GRID2: variants seen among roughly 807,000 people sequenced by gnomAD.
GRID2 encodes the protein glutamate ionotropic receptor delta type subunit 2.
Under a neutral mutation model 114.8 loss-of-function variants are expected in GRID2, and 33 were observed. The observed-to-expected ratio is 0.29, with a 90% CI of 0.22 to 0.38. GRID2 has a LOEUF of 0.38. GRID2 is among the 10% of genes least tolerant of loss of function. The pLI is 1.00. For synonymous variants in GRID2, 505 were observed against 449.9 expected (o/e 1.12, Z -1.55); for missense variants, 1,184 against 1,257.7 (o/e 0.94, Z 0.89).
intron 11 of GRID2, among the ~76,000 whole-genome samples, chr4:93,484,947 G>A (rs760253871): frequency 6.6e-6 from 1 of 151,786 alleles, no homozygotes; most frequent in Non-Finnish European, 1.5e-5. Flanking sequence ...TGTACCTAAT[G>A]GGGGAAATTT....
intron 2 of GRID2, among the ~76,000 whole-genome samples, chr4:92,967,922 C>T (rs1426883937): frequency 6.6e-6 from 1 of 151,840 alleles, no homozygotes; most frequent in Admixed American, 6.6e-5. Flanking sequence ...CAGGATGTAT[C>T]TCTATTAGCA....
chr4:92,456,825 A>G (rs538335491), intron 1 of GRID2, among the ~76,000 whole-genome samples: 3 of 152,290 alleles, frequency 2.0e-5, no homozygotes, highest in African/African-American at 7.2e-5. Context: ...TGTTATGATA[A>G]CAACTACTAG....
chr4:93,466,228 C>A (rs548198812), intron 11 of GRID2, among the ~76,000 whole-genome samples: 8 of 152,134 alleles, frequency 5.3e-5, no homozygotes, highest in Non-Finnish European at 1.0e-4. Context: ...GGGCTTTTTC[C>A]AGCTAAAATG....
intron 2 of GRID2, among the ~76,000 whole-genome samples, chr4:92,924,851 G>A (rs1199045015): frequency 6.6e-6 from 1 of 152,068 alleles, no homozygotes; most frequent in African/African-American, 2.4e-5. Flanking sequence ...TCAGCAATAA[G>A]ATCCTTTGTT....
chr4:92,536,282 T>G (rs554307807), intron 1 of GRID2, among the ~76,000 whole-genome samples: 1 of 152,206 alleles, frequency 6.6e-6, no homozygotes, highest in South Asian at 2.1e-4. Context: ...CCCGATTAGC[T>G]AGACACAGAG....
chr4:93,708,688 G>T (rs1728216727), intron 14 of GRID2, among the ~76,000 whole-genome samples: 1 of 151,832 alleles, frequency 6.6e-6, no homozygotes, highest in South Asian at 2.1e-4. Context: ...GACAAGTAAG[G>T]ACTTACTACT....
intron 10 of GRID2, among the ~76,000 whole-genome samples, chr4:93,443,447 G>A (rs1457378619): frequency 6.6e-6 from 1 of 151,910 alleles, no homozygotes; most frequent in African/African-American, 2.4e-5. Context: ...AATAAATACT[G>A]GGGAAGTAAT....
rs967363480 is a variant in GRID2 at position 93,396,092 on chromosome 4, T to C, written c.1347+384T>C. On this transcript the variant is annotated intron_variant, in intron 9 of 15. Coordinates refer to ENST00000282020, the MANE Select transcript of GRID2 (RefSeq NM_001510.4). ...ACATAACCCTGACCATGCCAAACAA[T>C]GGTAGATTTGGTAAAATGTACATTC... is the stretch of plus-strand genomic sequence containing the variant. Among the ~76,000 whole-genome samples the C allele has an allele frequency of 2.6e-4, 39 of 151,938 alleles. 1 individual carries two copies. The highest frequency in any genetic ancestry group is 2.9e-5 in the Non-Finnish European group (2 of 67,914).
chr4:92,885,033 AG>A, intron 2 of GRID2: 1 of 276,572 alleles, frequency 3.6e-6, no homozygotes, highest in South Asian at 4.0e-5. Flanking sequence ...GCTGAAAAAC[AG>A]GAACAGATTC....
intron 2 of GRID2, among the ~76,000 whole-genome samples, chr4:92,892,030 G>T (rs1746822482): frequency 6.6e-6 from 1 of 151,630 alleles, no homozygotes; most frequent in African/African-American, 2.4e-5. Context: ...AATTATATTT[G>T]ATTATGAAAA....
intron 14 of GRID2, among the ~76,000 whole-genome samples, chr4:93,694,848 C>T (rs1256065679): frequency 6.6e-6 from 1 of 152,130 alleles, no homozygotes; most frequent in Admixed American, 6.6e-5. Flanking sequence ...CCCCGAAGAT[C>T]TTAAACTCCA....
chr4:92,705,582 G>T (rs186431743), intron 2 of GRID2, among the ~76,000 whole-genome samples: 2 of 152,108 alleles, frequency 1.3e-5, no homozygotes, highest in African/African-American at 4.8e-5. Flanking sequence ...AAAGAAAACC[G>T]GACTGGACTA....
chr4:93,602,845 C>T (rs1202338453), intron 13 of GRID2, among the ~76,000 whole-genome samples: 1 of 152,152 alleles, frequency 6.6e-6, no homozygotes, highest in Non-Finnish European at 1.5e-5. Flanking sequence ...GATGATTAGC[C>T]AAGTTAAATG....
At position 93,434,031 on chromosome 4, in the gene GRID2, C is replaced by G. The variant is rs370324224; in HGVS notation, c.1545+11063C>G. ...TGGATACTGTTGACACATTTAATAC[C>G]CATGTGAGCCTAAAAGAGTTTTGAA... On this transcript the variant is annotated intron_variant, in intron 10 of 15. Coordinates refer to ENST00000282020, the MANE Select transcript of GRID2 (RefSeq NM_001510.4). Among the ~76,000 whole-genome samples the G allele has an allele frequency of 2.6e-4, 40 of 152,208 alleles. No homozygotes were observed. The East Asian group carries it at 7.5e-3, about 29-fold the overall frequency.
chr4:92,323,698 C>T (rs933628224), intron 1 of GRID2, among the ~76,000 whole-genome samples: 1 of 152,006 alleles, frequency 6.6e-6, no homozygotes, highest in African/African-American at 2.4e-5. Context: ...TGAAGCTTGC[C>T]ACCTTCCTCC....
intron 2 of GRID2, among the ~76,000 whole-genome samples, chr4:93,041,549 T>TG (rs1725517702): frequency 6.6e-6 from 1 of 152,158 alleles, no homozygotes; most frequent in Non-Finnish European, 1.5e-5. Flanking sequence ...TAACATGTAG[T>TG]TAAACTTATA....
chr4:92,363,006 G>GA (rs1728689191), intron 1 of GRID2, among the ~76,000 whole-genome samples: 1 of 151,780 alleles, frequency 6.6e-6, no homozygotes, highest in African/African-American at 2.4e-5. Flanking sequence ...TCAGAAGAGA[G>GA]AGGAGAAAAA....
intron 2 of GRID2, among the ~76,000 whole-genome samples, chr4:92,954,698 C>T (rs1168394115): frequency 1.4e-5 from 2 of 146,580 alleles, no homozygotes; most frequent in Non-Finnish European, 3.0e-5. Flanking sequence ...ATGTGCCATG[C>T]TGGTGCGCTG....
At chr4:92,755,412 A>G (rs1737665758) in intron 2 of GRID2, among the ~76,000 whole-genome samples, 1 of 152,178 alleles carries the variant, frequency 6.6e-6, no homozygotes, top group Admixed American at 6.6e-5. Context: ...ATCTTCAAGT[A>G]CTATTACCAA....
Sources: gnomAD v4.1 joint callset for allele counts (sites outside exome capture counted in the v4.1 genomes callset) on GRCh38, gnomAD v4.1.1 for gene constraint, MANE v1.5 for transcripts, NCBI Gene and HGNC (gene_info 2026-07-23, HGNC 2026-07-21) for gene names.